The following ZNF213 variants were observed in gnomAD, a reference collection of about 807,000 sequenced individuals.
The protein encoded by ZNF213 is zinc finger protein 213, also known as putative transcription factor CR53.
Under a neutral mutation model 46.0 loss-of-function variants are expected in ZNF213, and 32 were observed. That is an observed-to-expected ratio of 0.70 (90% confidence interval 0.52 to 0.93). ZNF213 has a LOEUF of 0.93. ZNF213 is among the 40% of genes least tolerant of loss of function. ZNF213 has a pLI of 0.00. For synonymous variants in ZNF213, 297 were observed against 271.0 expected, an observed-to-expected ratio of 1.10 and a Z score of -0.94; for missense variants, 639 against 652.8, an observed-to-expected ratio of 0.98 and a Z score of 0.23.
chr16:3,137,433 C>G lies in ZNF213; in HGVS notation c.153C>G (p.Phe51Leu). ...SEACRQRFRQFCYGDVHGPHE... is the reference protein window; with the variant it reads ...SEACRQRFRQLCYGDVHGPHE... ...CCTGCCGCCAGCGCTTCCGGCAATT[C>G]TGCTACGGGGATGTGCATGGGCCTC... The change falls in exon 2 of 6, where the codon TTC becomes TTG. Residue 51 changes from phenylalanine (F) to leucine (L), a missense_variant. Coordinates refer to ENST00000396878, the MANE Select transcript of ZNF213 (RefSeq NM_004220.3). 6.2e-7 allele frequency: 1 copy of G among 1,614,032 alleles called. No homozygotes were observed. The highest frequency in any genetic ancestry group is 1.1e-5 in the South Asian group (1 of 91,090).
intron 1 of ZNF213, among the ~76,000 whole-genome samples, chr16:3,136,601 C>G (rs1480785223): frequency 6.6e-6 from 1 of 151,966 alleles, no homozygotes; most frequent in African/African-American, 2.4e-5. Context: ...CCTGTAGTCC[C>G]AGCTACTTGG....
Position 3,137,330 on chromosome 16 carries a change from G to A in ZNF213, c.50G>A (p.Gly17Glu), listed in dbSNP as rs745893220. The A allele has an allele frequency of 6.2e-7, 1 of 1,612,474 alleles. No individual in the cohort carries two copies. Among genetic ancestry groups the A allele is most frequent in the Non-Finnish European group, 8.5e-7 (1 of 1,178,928 alleles). ...AQDQAPGEGE[G>E]LLIVKVEDSS... ...GACCAGGCCCCTGGGGAGGGAGAAG[G>A]GCTTCTGATTGTGAAAGTGGAAGAT... Residue 17 changes from glycine (G) to glutamate (E), a missense_variant, in exon 2 of 6, where the codon GGG becomes GAG. Coordinates refer to ENST00000396878, the MANE Select transcript of ZNF213 (RefSeq NM_004220.3).
chr16:3,137,698 T>A lies in ZNF213; in HGVS notation c.399+19T>A. 1 of 1,610,818 alleles carries A rather than the reference T, an allele frequency of 6.2e-7. No individual in the cohort carries two copies. The highest frequency in any genetic ancestry group is 8.5e-7 in the Non-Finnish European group (1 of 1,178,820). On this transcript the variant is annotated intron_variant, in intron 2 of 5. Coordinates refer to ENST00000396878, the MANE Select transcript of ZNF213 (RefSeq NM_004220.3). ...GCGACAGGTGAGGGGCCCTTCCACA[T>A]CCAGGGGCACCTGGATGGTATCTGA...
chr16:3,140,940 C>T lies in ZNF213; in HGVS notation c.973C>T (p.Arg325Cys), dbSNP rs200585390. Residue 325 changes from arginine (R) to cysteine (C), a missense_variant, in exon 6 of 6, where the codon CGC becomes TGC. Physicochemically the swap from Arg to Cys is radical, Grantham distance 180. Coordinates refer to ENST00000396878, the MANE Select transcript of ZNF213 (RefSeq NM_004220.3). ...GCACAGCTGCGGGCAGTGTGGAAAG[C>T]GCTTCCGCTGGGGCTCGGACCTGGC... ...KPHSCGQCGK[R>C]FRWGSDLARH... The T allele has an allele frequency of 4.4e-6, 7 of 1,599,104 alleles. No homozygotes were observed. The highest frequency in any genetic ancestry group is 4.0e-5 in the African/African-American group (3 of 74,720).
intron 5 of ZNF213, 139 bp from the exon 6 acceptor site, chr16:3,140,550 C>A: frequency 1.6e-6 from 2 of 1,240,102 alleles, no homozygotes; most frequent in Non-Finnish European, 2.1e-6. Flanking sequence ...AGATGAGGAA[C>A]CTGAGAATTC....
intron 5 of ZNF213, chr16:3,139,366 TC>T: frequency 2.2e-6 from 1 of 451,136 alleles, no homozygotes; most frequent in African/African-American, 2.0e-5. Context: ...GGAAGTATTG[TC>T]CCCATTTTAC....
chr16:3,141,120 A>C lies in ZNF213; in HGVS notation c.1153A>C (p.Ser385Arg). ...CSECGKSFSR[S>R]AYLADHQRIH... is the part of the protein sequence containing the mutation. ...CGAGTGCGGCAAGAGCTTCAGCCGCAGCGCCTACCTGGCCGACCACCAGCG... is the reference window on the plus strand; with the variant it reads ...CGAGTGCGGCAAGAGCTTCAGCCGCCGCGCCTACCTGGCCGACCACCAGCG... The change falls in exon 6 of 6, where the codon AGC becomes CGC. Residue 385 changes from serine (S) to arginine (R), a missense_variant. By Grantham distance (110) the Ser-to-Arg change is moderately radical (BLOSUM62 -1). Transcript: ENST00000396878. 1 of 1,610,900 alleles carries C rather than the reference A, an allele frequency of 6.2e-7. No homozygotes were observed. Among genetic ancestry groups the C allele is most frequent in the Non-Finnish European group, 8.5e-7 (1 of 1,178,950 alleles).
Position 3,141,095 on chromosome 16 carries a change from C to T in ZNF213, c.1128C>T (p.Ser376=), listed in dbSNP as rs1405477585. The part of the protein sequence containing the change: ...VHTGEKPFSC[S]ECGKSFSRSA... ...CGGGCGAGAAGCCCTTCTCCTGTTC[C>T]GAGTGCGGCAAGAGCTTCAGCCGCA... is the stretch of plus-strand genomic sequence containing the variant. The change falls in exon 6 of 6, where the codon TCC becomes TCT. Residue 376 remains serine, a synonymous_variant. Coordinates refer to ENST00000396878, the MANE Select transcript of ZNF213 (RefSeq NM_004220.3). 1.2e-6 allele frequency: 2 copies of T among 1,612,678 alleles called. No individual in the cohort carries two copies. The highest frequency in any genetic ancestry group is 1.3e-5 in the African/African-American group (1 of 74,840).
At chr16:3,140,075 T>C (rs1490977593) in intron 5 of ZNF213, 1 of 152,276 alleles carries the variant, frequency 6.6e-6, no homozygotes, top group Non-Finnish European at 1.5e-5. Flanking sequence ...AAATCTGTTC[T>C]GCTGTGGAGC....
Position 3,138,445 on chromosome 16 carries a change from G to C in ZNF213, c.427G>C (p.Glu143Gln), listed in dbSNP as rs561342437. The C allele has an allele frequency of 6.2e-7, 1 of 1,613,320 alleles. No homozygotes were observed. The highest frequency in any genetic ancestry group is 1.1e-5 in the South Asian group (1 of 91,016). ...TGTGCCCTCGGAGGAGGCGGAACCC[G>C]AGGCTGCAGGCCGGGGATCCCAGGC... ...QDVPSEEAEPEAAGRGSQATG... is the reference protein window; with the variant it reads ...QDVPSEEAEPQAAGRGSQATG... Residue 143 changes from glutamate to glutamine, a missense_variant, in exon 3 of 6, where the codon GAG (glutamate) becomes CAG (glutamine). Coordinates refer to ENST00000396878, the MANE Select transcript of ZNF213 (RefSeq NM_004220.3).
In ZNF213 at chr16:3,137,236, G is replaced by A; in HGVS notation, c.-45G>A. The A allele has an allele frequency of 6.5e-7, 1 of 1,529,544 alleles. No individual in the cohort carries two copies. The highest frequency in any genetic ancestry group is 8.8e-7 in the Non-Finnish European group (1 of 1,141,842). The allele number at this position is 1,529,544 out of a possible 1,614,324, so 94.7% of individuals were successfully genotyped here. On this transcript the variant is annotated 5_prime_UTR_variant, in exon 2 of 6. Transcript: ENST00000396878. ...TGGGAGACTGAAAGTACAGGTTCTGGGGCCCAGGTTGAAGCCGACCAACCC... is the reference window on the plus strand; with the variant it reads ...TGGGAGACTGAAAGTACAGGTTCTGAGGCCCAGGTTGAAGCCGACCAACCC...
At position 3,135,081 on chromosome 16, in the gene ZNF213, A is replaced by G. The variant is rs1957518383; in HGVS notation, c.-422A>G. 1.2e-5 allele frequency: 1 copy of G among 81,824 alleles called. No homozygotes were observed. Among genetic ancestry groups the G allele is most frequent in the Non-Finnish European group, 2.2e-5 (1 of 44,734 alleles). 5.1% of individuals were successfully genotyped at this position (81,824 alleles called of 1,614,324 possible). The stretch of plus-strand genomic sequence containing the variant: ...GCGGAAGTGGGATCTCCTGGGCCGT[A>G]GTGGGCGTTGTGTGTTTCGGGGGCG... On this transcript the variant is annotated 5_prime_UTR_variant, in exon 1 of 6. Transcript: ENST00000396878.
intron 5 of ZNF213, chr16:3,139,526 G>A (rs996965941): frequency 2.6e-5 from 5 of 194,294 alleles, no homozygotes; most frequent in South Asian, 9.5e-5. Flanking sequence ...GCCCCTGCTC[G>A]TCAGAACTGC....
intron 4 of ZNF213, 21 bp downstream of exon 4, chr16:3,138,839 T>G: frequency 6.2e-7 from 1 of 1,614,072 alleles, no homozygotes; most frequent in Non-Finnish European, 8.5e-7. Flanking sequence ...AGTCCCTTTG[T>G]CTTCTTTAAG....
chr16:3,137,020 A>G, intron 1 of ZNF213, 146 bp from the exon 2 acceptor site: 1 of 406,624 alleles, frequency 2.5e-6, no homozygotes, highest in South Asian at 4.6e-5. Context: ...TAGGAGAGAC[A>G]GTCACATGAG....
rs140913806 is a variant in ZNF213 at position 3,141,101 on chromosome 16, C to T, written c.1134C>T (p.Cys378=). The T allele has an allele frequency of 1.6e-5, 25 of 1,612,570 alleles. No individual in the cohort carries two copies. The East Asian group carries it at 3.8e-4, about 24-fold the overall frequency. Reference sequence around the variant, plus strand: ...AGAAGCCCTTCTCCTGTTCCGAGTGCGGCAAGAGCTTCAGCCGCAGCGCCT... The same window carrying T: ...AGAAGCCCTTCTCCTGTTCCGAGTGTGGCAAGAGCTTCAGCCGCAGCGCCT... ...TGEKPFSCSE[C]GKSFSRSAYL... is the part of the protein sequence containing the mutation. The change falls in exon 6 of 6, where the codon TGC becomes TGT. Residue 378 remains cysteine, a synonymous_variant. Transcript: ENST00000396878.
Position 3,137,578 on chromosome 16 carries a change from G to A in ZNF213, c.298G>A (p.Glu100Lys), listed in dbSNP as rs1237066832. Residue 100 changes from glutamate to lysine, a missense_variant, in exon 2 of 6, where the codon GAG becomes AAG. By Grantham distance (56) the Glu-to-Lys change is moderately conservative. Coordinates refer to ENST00000396878, the MANE Select transcript of ZNF213 (RefSeq NM_004220.3). ...LEQFLTVLPGEIQGWVREQHP... is the reference protein window; with the variant it reads ...LEQFLTVLPGKIQGWVREQHP... ...GCAGTTCCTGACAGTGCTGCCAGGG[G>A]AGATCCAGGGCTGGGTGCGTGAGCA... The A allele has an allele frequency of 3.7e-6, 6 of 1,613,956 alleles. No individual in the cohort carries two copies. Among genetic ancestry groups the A allele is most frequent in the Non-Finnish European group, 5.1e-6 (6 of 1,180,042 alleles).
chr16:3,136,503 G>C (rs1375771044), intron 1 of ZNF213, among the ~76,000 whole-genome samples: 1 of 152,160 alleles, frequency 6.6e-6, no homozygotes, highest in Non-Finnish European at 1.5e-5. Flanking sequence ...GGATCACAAG[G>C]TCAGGAGTTT....
At position 3,139,048 on chromosome 16, in the gene ZNF213, G is replaced by A. The variant is rs547568020; in HGVS notation, c.671G>A (p.Arg224Gln). 8.7e-6 allele frequency: 14 copies of A among 1,614,064 alleles called. No individual in the cohort carries two copies. The highest frequency in any genetic ancestry group is 3.3e-5 in the Admixed American group (2 of 60,014). Residue 224 changes from arginine (R) to glutamine (Q), a missense_variant, in exon 5 of 6, where the codon CGG (arginine) becomes CAG (glutamine). Arg to Gln is a conservative substitution (Grantham distance 43, BLOSUM62 1). Coordinates refer to ENST00000396878, the MANE Select transcript of ZNF213 (RefSeq NM_004220.3). ...TGGGGCACCCTGGACCCTGCTCAGC[G>A]GGATCTCTTCTGGGACATAAAGCGG... ...EEWGTLDPAQRDLFWDIKREN... is the reference protein window; with the variant it reads ...EEWGTLDPAQQDLFWDIKREN...
Sources: allele counts gnomAD v4.1 joint callset (sites outside exome capture counted in the v4.1 genomes callset), GRCh38; gene constraint gnomAD v4.1.1; transcripts MANE v1.5; gene names NCBI Gene and HGNC (gene_info 2026-07-23, HGNC 2026-07-21).